TF: variants seen among roughly 807,000 people sequenced by gnomAD.
TF encodes the protein serotransferrin.
TF carries 55 observed loss-of-function variants against 82.4 expected under a neutral mutation model. The observed-to-expected ratio is 0.67, with a 90% CI of 0.54 to 0.84. TF has a LOEUF of 0.84. Among genes scored for constraint, TF ranks in the 40% least tolerant of loss-of-function variants. The pLI is 0.00. For missense variants in TF, 737 were observed against 868.4 expected (o/e 0.85, Z 1.90); for synonymous variants, 332 against 332.6 (o/e 1.00, Z 0.02).
the TF span, among the ~76,000 whole-genome samples, chr3:133,668,410 C>G: frequency 1.3e-5 from 2 of 152,174 alleles, no homozygotes; most frequent in Non-Finnish European, 2.9e-5. Flanking sequence ...TGTCACAGAA[C>G]AGAATCTGAT....
upstream of TF, among the ~76,000 whole-genome samples, chr3:133,744,004 T>C (rs1468294190): frequency 6.6e-6 from 1 of 152,230 alleles, no homozygotes; most frequent in Non-Finnish European, 1.5e-5. Flanking sequence ...TCTAGGTGTG[T>C]GTAGATGACG....
At chr3:133,741,359 C>T (rs1373846517), upstream of TF, among the ~76,000 whole-genome samples, 3 of 152,122 alleles carry the variant, frequency 2.0e-5, no homozygotes, top group Admixed American at 2.0e-4. Flanking sequence ...ATTTATTATG[C>T]ATAAAGATGA....
chr3:133,718,827 C>T, the TF span, among the ~76,000 whole-genome samples: 537 of 152,252 alleles, frequency 3.5e-3, 2 homozygotes, highest in African/African-American at 0.012. Context: ...TTTTGTTTAC[C>T]TACCTTGCCC....
upstream of TF, among the ~76,000 whole-genome samples, chr3:133,741,820 A>T (rs2107901773): frequency 6.6e-6 from 1 of 152,316 alleles, no homozygotes; most frequent in African/African-American, 2.4e-5. Flanking sequence ...TCTATTTGCT[A>T]ATCTTTTGTG....
At chr3:133,669,433 G>C in the TF span, among the ~76,000 whole-genome samples, 2 of 152,196 alleles carry the variant, frequency 1.3e-5, no homozygotes, top group African/African-American at 4.8e-5. Flanking sequence ...CCCTTTCATA[G>C]TGTTTTGCTG....
chr3:133,768,153 A>G lies in TF; in HGVS notation c.1611A>G (p.Thr537=). The G allele has an allele frequency of 6.2e-7, 1 of 1,614,246 alleles. No individual in the cohort carries two copies. The highest frequency in any genetic ancestry group is 8.5e-7 in the Non-Finnish European group (1 of 1,180,042). Residue 537 remains threonine (T), a synonymous_variant, in exon 13 of 17, where the codon ACA becomes ACG. Transcript: ENST00000402696. ...PNNKEGYYGY[T]GAFRCLVEKG... The stretch of plus-strand genomic sequence containing the variant: ...ACAAAGAGGGATACTACGGCTACAC[A>G]GGCGCTTTCAGGTGAGTCTTTTAAC...
chr3:133,714,006 C>A, the TF span, among the ~76,000 whole-genome samples: 1 of 152,204 alleles, frequency 6.6e-6, no homozygotes, highest in South Asian at 2.1e-4. Flanking sequence ...GGAGGTGATG[C>A]ATCAGCAACC....
chr3:133,729,389 C>G, the TF span, among the ~76,000 whole-genome samples: 1 of 152,258 alleles, frequency 6.6e-6, no homozygotes. Flanking sequence ...AGCCTCGCTG[C>G]TGCCTTGCGG....
the TF span, among the ~76,000 whole-genome samples, chr3:133,679,498 C>T: frequency 6.7e-6 from 1 of 149,970 alleles, no homozygotes; most frequent in Non-Finnish European, 1.5e-5. Context: ...CTTTCTGCCA[C>T]TATAGATAAG....
upstream of TF, chr3:133,746,381 G>T: frequency 6.5e-7 from 1 of 1,550,358 alleles, no homozygotes; most frequent in Non-Finnish European, 8.7e-7. Context: ...GACGCGGGGC[G>T]CCGGAGGCTG....
the TF span, among the ~76,000 whole-genome samples, chr3:133,689,305 C>T: frequency 7.2e-5 from 11 of 152,018 alleles, no homozygotes; most frequent in East Asian, 3.9e-4. Context: ...GCCTGGGCAA[C>T]GGAGCGAGAC....
intron 11 of TF, among the ~76,000 whole-genome samples, chr3:133,765,337 ACACAGGCAGATAT>A (rs1193169395): frequency 6.6e-6 from 1 of 152,228 alleles, no homozygotes; most frequent in Non-Finnish European, 1.5e-5. Context: ...AGAGAGCCTC[ACACAGGCAGATAT>A]CAAGGAACAT....
the TF span, among the ~76,000 whole-genome samples, chr3:133,717,274 A>G: frequency 6.6e-6 from 1 of 152,182 alleles, no homozygotes; most frequent in Admixed American, 6.5e-5. Context: ...TCCCTCCTTG[A>G]AAGGGCTGAT....
At chr3:133,745,093 C>A (rs971196517), upstream of TF, among the ~76,000 whole-genome samples, 1 of 152,210 alleles carries the variant, frequency 6.6e-6, no homozygotes, top group Non-Finnish European at 1.5e-5. Context: ...TAACTCCAAC[C>A]TTCACGAGAT....
At position 133,768,174 on chromosome 3, in the gene TF, T is replaced by C. The variant is rs779061755; in HGVS notation, c.1622+10T>C. ...ACACAGGCGCTTTCAGGTGAGTCTT[T>C]TAACCCTGAAACAAATAGAATAATA... On this transcript the variant is annotated intron_variant, in intron 13 of 16. Coordinates refer to ENST00000402696, the MANE Select transcript of TF (RefSeq NM_001063.4). 1.2e-6 allele frequency: 2 copies of C among 1,614,202 alleles called. No individual in the cohort carries two copies. The highest frequency in any genetic ancestry group is 1.7e-6 in the Non-Finnish European group (2 of 1,180,024).
At chr3:133,700,111 A>G in the TF span, 1 of 153,898 alleles carries the variant, frequency 6.5e-6, no homozygotes, top group African/African-American at 2.4e-5. Context: ...ACCTGATGGA[A>G]TTGGACTACC....
chr3:133,694,892 A>AT, the TF span, among the ~76,000 whole-genome samples: 1 of 145,230 alleles, frequency 6.9e-6, no homozygotes, highest in Non-Finnish European at 1.5e-5. Flanking sequence ...ATTTATTATT[A>AT]TTATTATTTT....
chr3:133,699,406 C>T, the TF span: 6 of 1,055,536 alleles, frequency 5.7e-6, no homozygotes, highest in African/African-American at 1.6e-5. Context: ...TGGCTCATGG[C>T]TCTCCTGCGT....
At chr3:133,731,372 G>A in the TF span, among the ~76,000 whole-genome samples, 1 of 152,212 alleles carries the variant, frequency 6.6e-6, no homozygotes, top group Admixed American at 6.5e-5. Context: ...AGGACAGTGG[G>A]GACAGCTCAG....
Sources: gnomAD v4.1 joint callset for allele counts (sites outside exome capture counted in the v4.1 genomes callset) on GRCh38, gnomAD v4.1.1 for gene constraint, MANE v1.5 for transcripts, NCBI Gene and HGNC (gene_info 2026-07-23, HGNC 2026-07-21) for gene names.